Variants in NGEF observed in about 807,000 individuals in gnomAD.
NGEF encodes the protein ephexin-1.
A neutral mutation model predicts 80.9 loss-of-function variants in NGEF; 31 were observed. That is an observed-to-expected ratio of 0.38 (90% CI 0.29 to 0.52). NGEF has a LOEUF of 0.52. Ranked by LOEUF, NGEF falls within the 20% of genes least tolerant of loss-of-function variation. The probability of loss-of-function intolerance (pLI) is 0.84; values close to 1 mark genes in which losing one functional copy is unlikely to be tolerated. For missense variants in NGEF, 709 were observed against 926.2 expected (o/e 0.77, Z 3.04); for synonymous variants, 371 against 370.2 (o/e 1.00, Z -0.03).
intron 3 of NGEF, among the ~76,000 whole-genome samples, chr2:232,963,661 A>G (rs1407618572): frequency 6.6e-6 from 1 of 152,096 alleles, no homozygotes; most frequent in African/African-American, 2.4e-5. Flanking sequence ...TAAAAATATA[A>G]AAATTAGCTG....
chr2:232,944,726 A>AATATATATAT (rs57851903), intron 3 of NGEF, among the ~76,000 whole-genome samples: 2,875 of 107,864 alleles, frequency 0.027, 106 homozygotes, highest in African/African-American at 0.031. Flanking sequence ...GACTTTTCCG[A>AATATATATAT]ATATATATAT....
intron 2 of NGEF, among the ~76,000 whole-genome samples, chr2:232,971,133 A>C (rs1052808579): frequency 1.3e-5 from 2 of 152,228 alleles, no homozygotes; most frequent in Non-Finnish European, 2.9e-5. Context: ...CTCATTTTGC[A>C]GATGAAACAG....
intron 1 of NGEF, chr2:233,012,671 C>A: frequency 5.6e-6 from 2 of 359,158 alleles, no homozygotes; most frequent in South Asian, 4.2e-5. Context: ...TAGAAGGTGC[C>A]CCGGCTTGCT....
chr2:232,899,031 T>C (rs1248965369), intron 5 of NGEF, among the ~76,000 whole-genome samples: 1 of 151,492 alleles, frequency 6.6e-6, no homozygotes, highest in Non-Finnish European at 1.5e-5. Flanking sequence ...TGTGAGTGAA[T>C]ATGAGGGTGG....
At chr2:232,901,795 G>A (rs1368899329) in intron 5 of NGEF, among the ~76,000 whole-genome samples, 1 of 152,230 alleles carries the variant, frequency 6.6e-6, no homozygotes. Context: ...AGAAGGCCAG[G>A]CAGAATGCCA....
At chr2:232,994,583 C>T (rs895169342) in intron 1 of NGEF, among the ~76,000 whole-genome samples, 7 of 151,976 alleles carry the variant, frequency 4.6e-5, no homozygotes, top group African/African-American at 9.7e-5. Context: ...CATATGACAC[C>T]GGGGAAGCTG....
At chr2:232,998,704 G>C (rs762653470) in intron 1 of NGEF, among the ~76,000 whole-genome samples, 2 of 152,256 alleles carry the variant, frequency 1.3e-5, no homozygotes, top group Middle Eastern at 3.4e-3. Flanking sequence ...GGATGGGTGG[G>C]TGTCTCCTGT....
At chr2:232,991,193 C>G (rs1040951883) in intron 1 of NGEF, among the ~76,000 whole-genome samples, 5 of 152,030 alleles carry the variant, frequency 3.3e-5, no homozygotes, top group Non-Finnish European at 7.4e-5. Flanking sequence ...AATGCCCACT[C>G]TCACCACTAC....
intron 1 of NGEF, among the ~76,000 whole-genome samples, chr2:232,996,280 A>G (rs2106340022): frequency 6.6e-6 from 1 of 152,230 alleles, no homozygotes; most frequent in Admixed American, 6.5e-5. Flanking sequence ...ATGAGCTGAG[A>G]TTGTGCCGCT....
chr2:232,891,651 C>T (rs761476067), intron 7 of NGEF, among the ~76,000 whole-genome samples, 164 bp from the exon 8 acceptor site: 61 of 152,274 alleles, frequency 4.0e-4, no homozygotes, highest in Non-Finnish European at 8.2e-4. Context: ...AGACTGTTCA[C>T]GTAAAAGTCA....
rs1239752529 is a variant in NGEF, at chr2:232,993,175, TAAATAA to T, written c.-74-18217_-74-18212del. 2.4e-4 allele frequency among the ~76,000 whole-genome samples: 32 copies of T among 133,752 alleles called. No individual in the cohort carries two copies. The East Asian group carries it at 6.2e-3, about 26-fold the overall frequency. 87.7% of individuals were successfully genotyped at this position (133,752 alleles called of 152,430 possible). ...GGCAAATATATATATATTATATATA[TAAATAA>T]ATATATATATTTATTTATATATATA... On this transcript the variant is annotated intron_variant, in intron 1 of 14. Coordinates refer to ENST00000264051, the MANE Select transcript of NGEF (RefSeq NM_019850.3).
At chr2:232,920,260 C>G (rs900014947) in intron 5 of NGEF, 24 bp downstream of exon 5, 4 of 1,594,088 alleles carry the variant, frequency 2.5e-6, no homozygotes, top group South Asian at 2.3e-5. Context: ...TGTGGGGGAG[C>G]CCCCGCCCCT....
At chr2:233,010,663 A>G (rs1695183524) in intron 1 of NGEF, among the ~76,000 whole-genome samples, 1 of 152,130 alleles carries the variant, frequency 6.6e-6, no homozygotes, top group South Asian at 2.1e-4. Flanking sequence ...TCCTTAATCA[A>G]CCACCTGAGC....
chr2:232,915,559 G>A (rs1186571029), intron 5 of NGEF, among the ~76,000 whole-genome samples: 1 of 152,164 alleles, frequency 6.6e-6, no homozygotes, highest in Non-Finnish European at 1.5e-5. Context: ...AGAGTATAAA[G>A]TTCAGTACAA....
intron 8 of NGEF, among the ~76,000 whole-genome samples, chr2:232,890,586 C>T (rs965633927): frequency 2.0e-5 from 3 of 152,112 alleles, no homozygotes; most frequent in South Asian, 2.1e-4. Context: ...CGCCCCAAGA[C>T]GTCCCCATCT....
intron 3 of NGEF, among the ~76,000 whole-genome samples, chr2:232,939,330 A>G (rs1693394281): frequency 6.6e-6 from 1 of 152,166 alleles, no homozygotes; most frequent in Non-Finnish European, 1.5e-5. Context: ...TGTAAGCTAT[A>G]ATAAATGAAA....
At chr2:232,933,666 G>A (rs1693265213) in intron 3 of NGEF, among the ~76,000 whole-genome samples, 1 of 152,226 alleles carries the variant, frequency 6.6e-6, no homozygotes, top group Non-Finnish European at 1.5e-5. Flanking sequence ...GGTGGGCACT[G>A]GCCTCCCCAG....
intron 1 of NGEF, among the ~76,000 whole-genome samples, chr2:232,975,486 A>C (rs1483146262): frequency 6.6e-6 from 1 of 152,218 alleles, no homozygotes; most frequent in Non-Finnish European, 1.5e-5. Context: ...TTCTGATGGA[A>C]TGATGTATGG....
chr2:232,959,541 G>C (rs1274170252), intron 3 of NGEF, among the ~76,000 whole-genome samples: 1 of 151,426 alleles, frequency 6.6e-6, no homozygotes, highest in African/African-American at 2.4e-5. Flanking sequence ...TGCTGTACAT[G>C]AGCCATTGGT....
Sources: allele counts gnomAD v4.1 joint callset (sites outside exome capture counted in the v4.1 genomes callset), GRCh38; gene constraint gnomAD v4.1.1; transcripts MANE v1.5; gene names NCBI Gene and HGNC (gene_info 2026-07-23, HGNC 2026-07-21).